The following COL27A1 variants were observed in gnomAD, a reference collection of about 807,000 sequenced individuals.
COL27A1 encodes collagen alpha-1(XXVII) chain.
In COL27A1, 106 loss-of-function variants were observed where a neutral mutation model predicts 251.3. The ratio of observed to expected loss-of-function variants is 0.42; its 90% CI spans 0.36 to 0.50. The LOEUF (loss-of-function observed/expected upper bound fraction) is 0.50. Ranked by LOEUF, COL27A1 falls within the 20% of genes least tolerant of loss-of-function variation. COL27A1 has a pLI of 0.00. For synonymous variants in COL27A1, 1,000 were observed against 986.3 expected (o/e 1.01, Z -0.26); for missense variants, 2,325 against 2,522.8 (o/e 0.92, Z 1.68).
chr9:114,170,082 G>T (rs576225883), intron 3 of COL27A1, among the ~76,000 whole-genome samples: 1 of 152,200 alleles, frequency 6.6e-6, no homozygotes, highest in Non-Finnish European at 1.5e-5. Context: ...GAGCCACCCC[G>T]TTAGGACAAG....
intron 33 of COL27A1, 82 bp from the exon 34 acceptor site, chr9:114,267,422 C>T: frequency 8.0e-7 from 1 of 1,253,666 alleles, no homozygotes. Context: ...TTCTCTTGCC[C>T]TCTTGGAGCC....
At chr9:114,175,847 T>C (rs1827395424) in intron 3 of COL27A1, among the ~76,000 whole-genome samples, 1 of 152,212 alleles carries the variant, frequency 6.6e-6, no homozygotes, top group African/African-American at 2.4e-5. Flanking sequence ...CTCTGTGAGA[T>C]GGGAAGAATC....
Position 114,222,091 on chromosome 9 carries a change from GCCTGT to G in COL27A1, c.2422-131_2422-127del, listed in dbSNP as rs1831149101. ...GGCCAGGCTCAGGAAAGTCGCTGGA[GCCTGT>G]GGTCAGGAATAAGGAGTGTTCAGCT... On this transcript the variant is annotated intron_variant, in intron 13 of 60. Coordinates refer to ENST00000356083, the MANE Select transcript of COL27A1 (RefSeq NM_032888.4). The G allele has an allele frequency of 1.4e-5, 10 of 712,636 alleles. No individual in the cohort carries two copies. The South Asian group carries it at 1.8e-4, about 13-fold the overall frequency. The allele number at this position is 712,636 out of a possible 1,614,324, so 44.1% of individuals were successfully genotyped here. A position where few individuals can be genotyped will look rare whatever the true frequency, so the allele number is the denominator to read the frequency against.
intron 5 of COL27A1, among the ~76,000 whole-genome samples, chr9:114,186,898 G>C (rs1828384288): frequency 6.6e-6 from 1 of 152,342 alleles, no homozygotes; most frequent in African/African-American, 2.4e-5. Flanking sequence ...CAAATGAGGA[G>C]CTCTAGGGCA....
intron 36 of COL27A1, chr9:114,271,180 T>A: frequency 4.8e-6 from 1 of 207,036 alleles, no homozygotes; most frequent in Non-Finnish European, 9.5e-6. Flanking sequence ...TAAGCCACAA[T>A]TTAGGGAGGA....
At chr9:114,222,356 A>C (rs924874825) in intron 14 of COL27A1, 89 bp downstream of exon 14, 3 of 1,252,562 alleles carry the variant, frequency 2.4e-6, no homozygotes, top group Non-Finnish European at 3.4e-6. Context: ...CAGGCCCTGC[A>C]GGGGAGGTTG....
At chr9:114,261,640 CT>C (rs1487221630) in intron 28 of COL27A1, among the ~76,000 whole-genome samples, 1 of 152,230 alleles carries the variant, frequency 6.6e-6, no homozygotes, top group Non-Finnish European at 1.5e-5. Flanking sequence ...TAGATATTGT[CT>C]TCTCCAACAC....
At chr9:114,232,089 G>T (rs1039533076) in intron 16 of COL27A1, among the ~76,000 whole-genome samples, 1 of 152,154 alleles carries the variant, frequency 6.6e-6, no homozygotes, top group African/African-American at 2.4e-5. Flanking sequence ...GATAGTGCAG[G>T]AGCAGCTGTT....
chr9:114,231,802 C>T lies in COL27A1; in HGVS notation c.2521-20C>T. The T allele has an allele frequency of 6.2e-7, 1 of 1,614,026 alleles. No homozygotes were observed. Among genetic ancestry groups the T allele is most frequent in the Non-Finnish European group, 8.5e-7 (1 of 1,179,882 alleles). On this transcript the variant is annotated intron_variant, in intron 15 of 60. Coordinates refer to ENST00000356083, the MANE Select transcript of COL27A1 (RefSeq NM_032888.4). ...TGGCCTAGAGTCCCATCACAGCTGG[C>T]CTTGGGCTTTGTCTTGCAGGGACTG... is the stretch of plus-strand genomic sequence containing the variant.
intron 28 of COL27A1, among the ~76,000 whole-genome samples, chr9:114,261,889 T>A (rs1027708944): frequency 3.3e-5 from 5 of 152,214 alleles, no homozygotes; most frequent in African/African-American, 1.2e-4. Flanking sequence ...ATAACAGCTT[T>A]CACTGCTCCT....
Position 114,155,992 on chromosome 9 carries a change from G to T in COL27A1, c.42G>T (p.Ala14=), listed in dbSNP as rs1848094842. ...CGCGGGGGGCCCGAGGCACAGCGGC[G>T]GCGGCGGCGGCGCGCGGGGGGTGAG... is the stretch of plus-strand genomic sequence containing the variant. The part of the protein sequence containing the change: ...GSARGARGTA[A]AAAARGGGFL... Residue 14 remains alanine, a synonymous_variant, in exon 1 of 61, where the codon GCG becomes GCT. Transcript: ENST00000356083. This position sits in a 1 kb window ranked among gnomAD's most constrained non-coding sequence, Gnocchi z 5.5. 1.5e-6 allele frequency: 2 copies of T among 1,295,074 alleles called. No individual in the cohort carries two copies. Among genetic ancestry groups the T allele is most frequent in the East Asian group, 2.8e-5 (1 of 35,514 alleles). 80.2% of individuals were successfully genotyped at this position (1,295,074 alleles called of 1,614,324 possible). A position where few individuals can be genotyped will look rare whatever the true frequency, so the allele number is the denominator to read the frequency against.
At chr9:114,175,991 T>C in intron 3 of COL27A1, among the ~76,000 whole-genome samples, 1 of 152,206 alleles carries the variant, frequency 6.6e-6, no homozygotes, top group South Asian at 2.1e-4. Flanking sequence ...GAGAAGGGAC[T>C]TACTCAAGGC....
At chr9:114,154,166 C>T (rs1257375024), upstream of COL27A1, among the ~76,000 whole-genome samples, 1 of 152,018 alleles carries the variant, frequency 6.6e-6, no homozygotes, top group African/African-American at 2.4e-5. The surrounding 1 kb of genome is among the most constrained non-coding windows in gnomAD (Gnocchi z 5.8). Flanking sequence ...TGCCGAAGTT[C>T]GAGCGCAGGC....
intron 34 of COL27A1, 116 bp from the exon 35 acceptor site, chr9:114,269,125 C>T: frequency 3.5e-6 from 2 of 576,890 alleles, no homozygotes; most frequent in East Asian, 3.2e-5. Context: ...GAAGAAGGAC[C>T]TTCCCCAGCT....
Position 114,282,615 on chromosome 9 carries a change from C to T in COL27A1, c.3879+51C>T, listed in dbSNP as rs1291372184. The T allele has an allele frequency of 1.5e-5, 18 of 1,223,368 alleles. No individual in the cohort carries two copies. In the East Asian group the frequency reaches 4.7e-4, roughly 32 times the overall value. The allele number at this position is 1,223,368 out of a possible 1,614,324, so 75.8% of individuals were successfully genotyped here. On this transcript the variant is annotated intron_variant, in intron 39 of 60. Coordinates refer to ENST00000356083, the MANE Select transcript of COL27A1 (RefSeq NM_032888.4). The stretch of plus-strand genomic sequence containing the variant: ...GGAGTCAGATGTGGAATAGAGGGAA[C>T]CAAGGGCAGGAAAGGAGACACCAGG...
chr9:114,229,186 A>T (rs2135422355), intron 14 of COL27A1, among the ~76,000 whole-genome samples: 1 of 152,292 alleles, frequency 6.6e-6, no homozygotes, highest in East Asian at 1.9e-4. Context: ...ATCCAATCAG[A>T]TGGGAATCCT....
chr9:114,248,826 C>G (rs997473276), intron 24 of COL27A1, among the ~76,000 whole-genome samples: 2 of 152,200 alleles, frequency 1.3e-5, no homozygotes, highest in Non-Finnish European at 2.9e-5. Context: ...TATGAAATTT[C>G]TGTTTCTCTG....
intron 24 of COL27A1, among the ~76,000 whole-genome samples, chr9:114,248,175 C>T (rs867484768): frequency 1.3e-5 from 2 of 152,202 alleles, no homozygotes; most frequent in African/African-American, 2.4e-5. Context: ...GAAAACTCTC[C>T]GACCTCCTGA....
rs781683498 is a variant in COL27A1 at position 114,167,841 on chromosome 9, A to G, written c.286A>G (p.Thr96Ala). The G allele has an allele frequency of 6.2e-7, 1 of 1,613,522 alleles. No individual in the cohort carries two copies. The highest frequency in any genetic ancestry group is 1.1e-5 in the South Asian group (1 of 91,074). The change falls in exon 3 of 61, where the codon ACA (threonine) becomes GCA (alanine). Residue 96 changes from threonine to alanine, a missense_variant. Thr to Ala is a moderately conservative substitution (Grantham distance 58, BLOSUM62 0). This residue lies in a region of COL27A1 where 1,183 missense variants were observed against 1,144.1 expected (regional missense o/e 1.03). Coordinates refer to ENST00000356083, the MANE Select transcript of COL27A1 (RefSeq NM_032888.4). ...TGTVIPAALG[T>A]ELALVLSLCS... ...CACCGTCATTCCTGCCGCCTTGGGC[A>G]CAGAGCTGGCACTGGTGCTGAGCCT...
Sources: gnomAD v4.1 joint callset for allele counts (sites outside exome capture counted in the v4.1 genomes callset) on GRCh38, gnomAD v4.1.1 for gene constraint, gnomAD v4.1.1 regional missense constraint, Gnocchi (gnomAD v3.1) non-coding constraint, MANE v1.5 for transcripts, NCBI Gene and HGNC (gene_info 2026-07-23, HGNC 2026-07-21) for gene names.